Variants in OCA2 observed in about 807,000 individuals in gnomAD.
OCA2 encodes the protein P protein.
A neutral mutation model predicts 100.2 loss-of-function variants in OCA2; 77 were observed. That is an observed-to-expected ratio of 0.77 (90% confidence interval 0.64 to 0.93). The LOEUF (loss-of-function observed/expected upper bound fraction) is 0.93. Among genes scored for constraint, OCA2 ranks in the 40% least tolerant of loss-of-function variants. OCA2 has a pLI of 0.00. For synonymous variants in OCA2, 432 were observed against 439.2 expected (o/e 0.98, Z 0.21); for missense variants, 1,062 against 1,089.1 (o/e 0.98, Z 0.35).
intron 22 of OCA2, among the ~76,000 whole-genome samples, chr15:27,847,341 C>A (rs1225576380): frequency 6.6e-6 from 1 of 152,214 alleles, no homozygotes; most frequent in African/African-American, 2.4e-5. Flanking sequence ...CTGTTCTCGG[C>A]CTCTCCCTCC....
intron 9 of OCA2, among the ~76,000 whole-genome samples, chr15:28,004,838 A>AAC (rs1240921199): frequency 6.6e-6 from 1 of 151,390 alleles, no homozygotes; most frequent in Non-Finnish European, 1.5e-5. Flanking sequence ...CTCATGTACT[A>AAC]ACACACACAC....
chr15:28,039,442 G>A (rs1307266506), intron 2 of OCA2, among the ~76,000 whole-genome samples: 1 of 152,128 alleles, frequency 6.6e-6, no homozygotes, highest in East Asian at 1.9e-4. Context: ...GTAATACAAA[G>A]TATCTTTTCC....
chr15:27,812,947 C>T (rs993020453), intron 23 of OCA2, among the ~76,000 whole-genome samples: 28 of 152,164 alleles, frequency 1.8e-4, no homozygotes, highest in African/African-American at 6.8e-4. Flanking sequence ...CCCCACTTCC[C>T]CACATGCCCA....
chr15:27,843,220 G>A (rs977311571), intron 23 of OCA2, among the ~76,000 whole-genome samples: 6 of 152,154 alleles, frequency 3.9e-5, no homozygotes, highest in Admixed American at 3.9e-4. Flanking sequence ...TGGAGGATGT[G>A]AGAACGACGG....
At chr15:27,955,352 G>T (rs1194354440) in intron 16 of OCA2, 137 bp from the exon 17 acceptor site, 4 of 732,074 alleles carry the variant, frequency 5.5e-6, no homozygotes, top group Non-Finnish European at 9.8e-6. Context: ...GTCATGGGGG[G>T]CCGGTGGGGC....
At chr15:28,084,416 C>T (rs1181656114) in intron 1 of OCA2, among the ~76,000 whole-genome samples, 1 of 152,224 alleles carries the variant, frequency 6.6e-6, no homozygotes, top group East Asian at 1.9e-4. Flanking sequence ...CCAGTGGAGC[C>T]TCTCTGGTCC....
intron 18 of OCA2, among the ~76,000 whole-genome samples, chr15:27,948,884 A>G (rs1015367279): frequency 6.6e-6 from 1 of 152,178 alleles, no homozygotes; most frequent in African/African-American, 2.4e-5. Context: ...TGACAGCCCC[A>G]AAAACACAAA....
chr15:28,098,106 G>C (rs1416404800), intron 1 of OCA2, among the ~76,000 whole-genome samples: 1 of 152,170 alleles, frequency 6.6e-6, no homozygotes, highest in African/African-American at 2.4e-5. Context: ...CATAAAACAA[G>C]AACAGTATAG....
At position 27,989,482 on chromosome 15, in the gene OCA2, T is replaced by G. The variant is rs866307496; in HGVS notation, c.1182+119A>C. ...TTCATGAGACCTGCACTAACACTTC[T>G]CAGTCAAGCCCTAGGCGCTGTGTCT... On this transcript the variant is annotated intron_variant, in intron 11 of 23. Coordinates refer to ENST00000354638, the MANE Select transcript of OCA2 (RefSeq NM_000275.3). 265 of 802,654 alleles carry G rather than the reference T, an allele frequency of 3.3e-4. No individual in the cohort carries two copies. The African/African-American group carries it at 4.0e-3, about 12-fold the overall frequency. 49.7% of individuals were successfully genotyped at this position (802,654 alleles called of 1,614,324 possible).
At chr15:27,978,649 T>G (rs1264536817) in intron 14 of OCA2, among the ~76,000 whole-genome samples, 1 of 152,170 alleles carries the variant, frequency 6.6e-6, no homozygotes, top group Non-Finnish European at 1.5e-5. Context: ...TGTGTCTATA[T>G]GTATATATGT....
chr15:27,813,837 G>C (rs2034173517), intron 23 of OCA2, among the ~76,000 whole-genome samples: 2 of 152,168 alleles, frequency 1.3e-5, no homozygotes, highest in East Asian at 3.9e-4. Flanking sequence ...ACCCTGTCCT[G>C]CATCTTATAA....
At chr15:27,738,559 C>A in the OCA2 span, among the ~76,000 whole-genome samples, 1 of 152,236 alleles carries the variant, frequency 6.6e-6, no homozygotes, top group African/African-American at 2.4e-5. Flanking sequence ...CACGGTGAAA[C>A]CCCGTCTCTA....
intron 9 of OCA2, among the ~76,000 whole-genome samples, chr15:28,001,158 A>T (rs1274428538): frequency 1.3e-5 from 2 of 152,198 alleles, no homozygotes; most frequent in Non-Finnish European, 2.9e-5. Context: ...CTGTGCGGCC[A>T]TGTTCATTGC....
intron 1 of OCA2, among the ~76,000 whole-genome samples, chr15:28,094,166 G>A (rs2044924145): frequency 6.6e-6 from 1 of 152,070 alleles, no homozygotes; most frequent in African/African-American, 2.4e-5. Context: ...GTCTCCTAGG[G>A]GACCCCAACA....
intron 9 of OCA2, among the ~76,000 whole-genome samples, chr15:28,004,911 G>T (rs996135690): frequency 3.3e-5 from 5 of 152,102 alleles, no homozygotes; most frequent in African/African-American, 1.2e-4. Context: ...ACGGCAGCCC[G>T]ATCTTTTGAT....
intron 18 of OCA2, among the ~76,000 whole-genome samples, chr15:27,936,342 T>C (rs1193285572): frequency 1.3e-5 from 2 of 152,162 alleles, no homozygotes; most frequent in Non-Finnish European, 2.9e-5. Flanking sequence ...AGGTCTATTA[T>C]AGCACCATGC....
chr15:28,041,405 G>A (rs930266281), intron 2 of OCA2, among the ~76,000 whole-genome samples: 4 of 151,906 alleles, frequency 2.6e-5, no homozygotes, highest in Admixed American at 2.6e-4. Context: ...TATGAAAAAC[G>A]CACAGCTAAC....
chr15:28,030,816 T>G (rs948923358), intron 3 of OCA2, among the ~76,000 whole-genome samples: 1 of 152,144 alleles, frequency 6.6e-6, no homozygotes, highest in Non-Finnish European at 1.5e-5. Context: ...GTTGAAACTT[T>G]AAATTATTTT....
chr15:27,912,305 C>T (rs933359884), intron 19 of OCA2, among the ~76,000 whole-genome samples: 5 of 152,150 alleles, frequency 3.3e-5, no homozygotes, highest in Admixed American at 6.5e-5. Context: ...TTCTAAACAC[C>T]ATTCCCCAAT....
Sources: gnomAD v4.1 joint callset for allele counts (sites outside exome capture counted in the v4.1 genomes callset) on GRCh38, gnomAD v4.1.1 for gene constraint, MANE v1.5 for transcripts, NCBI Gene and HGNC (gene_info 2026-07-23, HGNC 2026-07-21) for gene names.